Variants in MYLK observed in about 807,000 individuals in gnomAD.
MYLK encodes the protein myosin light chain kinase.
In MYLK, 106 loss-of-function variants were observed where a neutral mutation model predicts 203.4. The ratio of observed to expected loss-of-function variants is 0.52; its 90% CI spans 0.45 to 0.61. The LOEUF (loss-of-function observed/expected upper bound fraction) is 0.61. Ranked by LOEUF, MYLK falls within the 20% of genes least tolerant of loss-of-function variation. MYLK has a pLI of 0.00. For missense variants in MYLK, 2,072 were observed against 2,442.3 expected, an observed-to-expected ratio of 0.85 and a Z score of 3.20; for synonymous variants, 867 against 959.5, an observed-to-expected ratio of 0.90 and a Z score of 1.78.
chr3:123,836,555 C>T (rs2066479188), intron 2 of MYLK, among the ~76,000 whole-genome samples: 2 of 152,136 alleles, frequency 1.3e-5, no homozygotes, highest in South Asian at 2.1e-4. Flanking sequence ...CACTCCAGGG[C>T]ATGGGTATCT....
intron 27 of MYLK, among the ~76,000 whole-genome samples, chr3:123,643,450 A>G (rs1228562986): frequency 6.6e-6 from 1 of 152,192 alleles, no homozygotes; most frequent in Non-Finnish European, 1.5e-5. Context: ...ATTCAATATA[A>G]ATTCAAATAG....
intron 29 of MYLK, among the ~76,000 whole-genome samples, chr3:123,633,429 A>G (rs530494339): frequency 6.6e-6 from 1 of 152,224 alleles, no homozygotes; most frequent in Non-Finnish European, 1.5e-5. Flanking sequence ...GCCCAGCTAG[A>G]TAACAGTCAT....
chr3:123,700,384 G>A lies in MYLK; in HGVS notation c.3084C>T (p.Asn1028=), dbSNP rs751399308. The change falls in exon 18 of 34, where the codon AAC becomes AAT. Residue 1028 remains asparagine, a synonymous_variant. Coordinates refer to ENST00000360304, the MANE Select transcript of MYLK (RefSeq NM_053025.4). Reference sequence around the variant, plus strand: ...GCTTCAGGGTCTCAGCAGGCTTGGCGTTGCCCACGGGTTTCAAGGGCCCTG... The same window carrying A: ...GCTTCAGGGTCTCAGCAGGCTTGGCATTGCCCACGGGTTTCAAGGGCCCTG... ...QPSGPLKPVG[N]AKPAETLKPM... 72 of 1,613,602 alleles carry A rather than the reference G, an allele frequency of 4.5e-5. No homozygotes were observed. Among genetic ancestry groups the A allele is most frequent in the African/African-American group, 5.4e-5 (4 of 74,742 alleles).
intron 5 of MYLK, among the ~76,000 whole-genome samples, chr3:123,745,232 G>A (rs1021342380): frequency 2.0e-5 from 3 of 152,000 alleles, no homozygotes; most frequent in Admixed American, 2.0e-4. Flanking sequence ...TTGCTGTGAA[G>A]CCCATCCTGT....
chr3:123,652,528 CACTAGAGG>C (rs2059249731), intron 24 of MYLK, among the ~76,000 whole-genome samples: 1 of 152,204 alleles, frequency 6.6e-6, no homozygotes, highest in Admixed American at 6.5e-5. Context: ...ACCCAGAGAA[CACTAGAGG>C]GCACCCCCGC....
intron 5 of MYLK, among the ~76,000 whole-genome samples, chr3:123,749,611 T>C (rs1368614855): frequency 6.6e-6 from 1 of 152,202 alleles, no homozygotes; most frequent in African/African-American, 2.4e-5. Flanking sequence ...CTTTCTCTCT[T>C]GCAGATTTCC....
In MYLK at chr3:123,649,055, T is replaced by G; in HGVS notation, c.4331A>C (p.Glu1444Ala). 1 of 1,614,196 alleles carries G rather than the reference T, an allele frequency of 6.2e-7. No homozygotes were observed. The highest frequency in any genetic ancestry group is 1.1e-5 in the South Asian group (1 of 91,070). ...CACTGTCCGGTAATCAACCTCGGGC[T>G]CCTTCTCATCTGTGGGGCACAGGTC... Reference protein sequence around the residue: ...EVEVSDDDEKEPEVDYRTVTI... With the variant: ...EVEVSDDDEKAPEVDYRTVTI... Residue 1444 changes from glutamate (E) to alanine (A), a missense_variant, in exon 26 of 34, where the codon GAG becomes GCG. Physicochemically the swap from Glu to Ala is moderately radical, Grantham distance 107. Around this residue, in one of 3 missense-constraint regions of MYLK, gnomAD observed 524 missense variants for 782.4 expected, o/e 0.67. Coordinates refer to ENST00000360304, the MANE Select transcript of MYLK (RefSeq NM_053025.4).
intron 31 of MYLK, 130 bp downstream of exon 31, chr3:123,626,688 G>T: frequency 1.5e-6 from 2 of 1,319,124 alleles, no homozygotes; most frequent in Non-Finnish European, 2.2e-6. Flanking sequence ...TGCCTAAATT[G>T]GTCCCAGACT....
At chr3:123,757,899 G>A (rs1490867109) in intron 4 of MYLK, among the ~76,000 whole-genome samples, 1 of 152,124 alleles carries the variant, frequency 6.6e-6, no homozygotes, top group African/African-American at 2.4e-5. Context: ...TTTCTCCTAT[G>A]ATAAAAGACT....
chr3:123,802,129 T>A (rs1312452760), intron 3 of MYLK, among the ~76,000 whole-genome samples: 1 of 152,252 alleles, frequency 6.6e-6, no homozygotes, highest in African/African-American at 2.4e-5. Context: ...CCATTCTGAC[T>A]GATGTCAGAT....
At chr3:123,617,198 T>C (rs1482596932) in intron 33 of MYLK, 3 of 152,142 alleles carry the variant, frequency 2.0e-5, no homozygotes, top group Non-Finnish European at 4.4e-5. Flanking sequence ...AGGCAAAAGT[T>C]ACATAAATAT....
chr3:123,769,585 AC>A (rs755606039), intron 4 of MYLK, among the ~76,000 whole-genome samples: 1 of 152,170 alleles, frequency 6.6e-6, no homozygotes, highest in Non-Finnish European at 1.5e-5. Flanking sequence ...CTTCAGAGAC[AC>A]CTTTGTTGAT....
In MYLK at chr3:123,642,576, A is replaced by T. The variant is rs1479729324; in HGVS notation, c.4620-2072T>A. 6.6e-6 allele frequency among the ~76,000 whole-genome samples: 1 copy of T among 152,126 alleles called. No individual in the cohort carries two copies. Among genetic ancestry groups the T allele is most frequent in the Non-Finnish European group, 1.5e-5 (1 of 68,004 alleles). ...ACTCATACTTTAAAACCCATCTGAG[A>T]AGAAGGTCCCCAAATGGCCTGCAGG... On this transcript the variant is annotated intron_variant, in intron 27 of 33. Coordinates refer to ENST00000360304, the MANE Select transcript of MYLK (RefSeq NM_053025.4). This position sits in a 1 kb window ranked among gnomAD's most constrained non-coding sequence, Gnocchi z 4.2.
At chr3:123,801,441 T>C (rs985635117) in intron 3 of MYLK, among the ~76,000 whole-genome samples, 2 of 152,240 alleles carry the variant, frequency 1.3e-5, no homozygotes, top group Non-Finnish European at 2.9e-5. Context: ...ACTTTTATTC[T>C]AGAGTAAGGG....
chr3:123,883,341 C>T (rs1304488693), intron 1 of MYLK, among the ~76,000 whole-genome samples: 1 of 152,152 alleles, frequency 6.6e-6, no homozygotes, highest in Non-Finnish European at 1.5e-5. Flanking sequence ...CCCTGAATCA[C>T]AACAGCTAAT....
At chr3:123,762,180 T>C (rs150811138) in intron 4 of MYLK, among the ~76,000 whole-genome samples, 43 of 152,350 alleles carry the variant, frequency 2.8e-4, no homozygotes, top group African/African-American at 1.0e-3. Flanking sequence ...TCATTTCTTC[T>C]GATATTTCTT....
chr3:123,661,402 G>A (rs1049808483), intron 23 of MYLK, among the ~76,000 whole-genome samples: 10 of 152,146 alleles, frequency 6.6e-5, no homozygotes, highest in Non-Finnish European at 1.5e-4. Flanking sequence ...AGATCTAAAT[G>A]TACCAGTAAA....
chr3:123,711,283 G>A (rs1417066050), intron 13 of MYLK, among the ~76,000 whole-genome samples: 1 of 152,136 alleles, frequency 6.6e-6, no homozygotes, highest in African/African-American at 2.4e-5. Context: ...TAAAAATCAT[G>A]GCAAAGGTTT....
chr3:123,663,398 G>A (rs2059628046), intron 23 of MYLK, among the ~76,000 whole-genome samples: 1 of 151,726 alleles, frequency 6.6e-6, no homozygotes, highest in Non-Finnish European at 1.5e-5. Context: ...AGACTAATGG[G>A]GCGTGGGGGT....
Sources: gnomAD v4.1 joint callset for allele counts (sites outside exome capture counted in the v4.1 genomes callset) on GRCh38, gnomAD v4.1.1 for gene constraint, gnomAD v4.1.1 regional missense constraint, Gnocchi (gnomAD v3.1) non-coding constraint, MANE v1.5 for transcripts, NCBI Gene and HGNC (gene_info 2026-07-23, HGNC 2026-07-21) for gene names.